TTC28: variants seen among roughly 807,000 people sequenced by gnomAD.
TTC28 encodes tetratricopeptide repeat domain 28, also known as tetratricopeptide repeat protein 28.
Under a neutral mutation model 198.0 loss-of-function variants are expected in TTC28, and 61 were observed. The observed-to-expected ratio is 0.31, with a 90% CI of 0.25 to 0.38. The LOEUF (loss-of-function observed/expected upper bound fraction) is 0.38. Among genes scored for constraint, TTC28 ranks in the 10% least tolerant of loss-of-function variants. The pLI is 1.00. For missense variants in TTC28, 2,678 were observed against 3,164.0 expected (o/e 0.85, Z 3.69); for synonymous variants, 1,171 against 1,297.8 (o/e 0.90, Z 2.10).
At chr22:28,299,541 C>T (rs1048295694) in intron 3 of TTC28, among the ~76,000 whole-genome samples, 1 of 152,286 alleles carries the variant, frequency 6.6e-6, no homozygotes, top group Admixed American at 6.5e-5. Flanking sequence ...GGGTTAAGTA[C>T]AGGCACAAGA....
At chr22:28,481,940 G>A (rs754079409) in intron 2 of TTC28, among the ~76,000 whole-genome samples, 7 of 152,140 alleles carry the variant, frequency 4.6e-5, no homozygotes, top group Non-Finnish European at 1.0e-4. Context: ...TCAGCCCCAT[G>A]GGAAGGAAGC....
At chr22:28,407,279 C>CTT (rs2047011773) in intron 2 of TTC28, among the ~76,000 whole-genome samples, 1 of 152,080 alleles carries the variant, frequency 6.6e-6, no homozygotes, top group African/African-American at 2.4e-5. Flanking sequence ...CTGGAGAAAG[C>CTT]AGGAGAAGAA....
intron 13 of TTC28, among the ~76,000 whole-genome samples, chr22:28,022,154 G>A (rs1159737411): frequency 2.0e-5 from 3 of 152,218 alleles, no homozygotes; most frequent in Non-Finnish European, 4.4e-5. Context: ...CTGGGGAGCC[G>A]AAGGCCTGGT....
At chr22:27,984,980 G>A (rs145151519) in intron 22 of TTC28, among the ~76,000 whole-genome samples, 381 of 152,266 alleles carry the variant, frequency 2.5e-3, no homozygotes, top group African/African-American at 8.1e-3. Context: ...ACCTGTCGCC[G>A]CGTTCCCGTC....
chr22:28,269,015 G>A (rs1203791704), intron 5 of TTC28, among the ~76,000 whole-genome samples: 4 of 152,014 alleles, frequency 2.6e-5, no homozygotes, highest in South Asian at 2.1e-4. Flanking sequence ...TCAATGTGCT[G>A]GCCAGTGAAT....
chr22:28,291,215 A>G (rs2044782489), intron 5 of TTC28, among the ~76,000 whole-genome samples: 2 of 152,200 alleles, frequency 1.3e-5, no homozygotes, highest in Non-Finnish European at 2.9e-5. Context: ...CATTAAAAAA[A>G]AAGAATAATG....
chr22:28,526,860 G>C (rs2049014084), intron 2 of TTC28, among the ~76,000 whole-genome samples: 1 of 151,966 alleles, frequency 6.6e-6, no homozygotes, highest in African/African-American at 2.4e-5. Context: ...AGGTACAAGT[G>C]ATTCTCCTGC....
chr22:28,453,066 C>G (rs745610677), intron 2 of TTC28, among the ~76,000 whole-genome samples: 3 of 152,162 alleles, frequency 2.0e-5, no homozygotes, highest in Non-Finnish European at 2.9e-5. Context: ...ACAACAGTTC[C>G]TGTATACAGT....
At chr22:28,438,305 G>A (rs558217788) in intron 2 of TTC28, among the ~76,000 whole-genome samples, 1 of 152,030 alleles carries the variant, frequency 6.6e-6, no homozygotes, top group Admixed American at 6.6e-5. Context: ...GAAAGCATAG[G>A]GACTTGAAAT....
intron 2 of TTC28, among the ~76,000 whole-genome samples, chr22:28,339,719 T>C (rs134498): frequency 0.98 from 149,394 of 152,284 alleles, 73,282 homozygotes; most frequent in East Asian, 0.99. Flanking sequence ...CCTGGTGTGG[T>C]GTTTGCTAAG....
intron 14 of TTC28, chr22:28,002,276 G>A (rs1296722590): frequency 6.6e-6 from 1 of 152,594 alleles, no homozygotes; most frequent in African/African-American, 2.4e-5. Context: ...CTGGAAGCTG[G>A]GTCCACACAG....
chr22:28,181,871 A>AAAAC (rs370898921), intron 5 of TTC28, among the ~76,000 whole-genome samples: 7 of 152,250 alleles, frequency 4.6e-5, no homozygotes, highest in South Asian at 2.1e-4. Flanking sequence ...CTGTTTCTCA[A>AAAAC]AAACAAACAA....
chr22:28,286,224 A>C (rs2044684017), intron 5 of TTC28, among the ~76,000 whole-genome samples: 1 of 152,216 alleles, frequency 6.6e-6, no homozygotes, highest in Non-Finnish European at 1.5e-5. Flanking sequence ...ATGTATATTT[A>C]AATCCATAGA....
chr22:28,629,501 C>A, intron 2 of TTC28, 51 bp downstream of exon 2: 4 of 1,468,558 alleles, frequency 2.7e-6, no homozygotes, highest in South Asian at 1.4e-5. Context: ...AAGTAAGAAG[C>A]CAGGACAAAA....
chr22:28,579,368 T>G (rs1395929039), intron 2 of TTC28, among the ~76,000 whole-genome samples: 1 of 149,362 alleles, frequency 6.7e-6, no homozygotes, highest in Non-Finnish European at 1.5e-5. Flanking sequence ...TACATATGAC[T>G]ACATATATAG....
chr22:28,205,871 A>C (rs1378110887), intron 5 of TTC28, among the ~76,000 whole-genome samples: 2 of 152,024 alleles, frequency 1.3e-5, no homozygotes, highest in African/African-American at 4.8e-5. Context: ...GATTTTCATG[A>C]AATAACATTG....
At chr22:28,600,324 G>A (rs186858759) in intron 2 of TTC28, among the ~76,000 whole-genome samples, 3 of 152,186 alleles carry the variant, frequency 2.0e-5, no homozygotes, top group Admixed American at 6.5e-5. Flanking sequence ...GGGGTTGCTT[G>A]AGCCCAGGAG....
chr22:28,442,290 C>A (rs1036838723), intron 2 of TTC28, among the ~76,000 whole-genome samples: 1 of 152,220 alleles, frequency 6.6e-6, no homozygotes, highest in Non-Finnish European at 1.5e-5. Flanking sequence ...CACGGGCCCA[C>A]GAGGCCTCAG....
intron 2 of TTC28, among the ~76,000 whole-genome samples, chr22:28,342,844 G>A (rs1477709924): frequency 6.6e-6 from 1 of 152,112 alleles, no homozygotes. Flanking sequence ...CTATAATAAA[G>A]TATAAAACAT....
Sources: allele counts gnomAD v4.1 joint callset (sites outside exome capture counted in the v4.1 genomes callset), GRCh38; gene constraint gnomAD v4.1.1; transcripts MANE v1.5; gene names NCBI Gene and HGNC (gene_info 2026-07-23, HGNC 2026-07-21).